Variants in PCDHA3 observed in about 807,000 individuals in gnomAD.
PCDHA3 encodes protocadherin alpha-3.
Under a neutral mutation model 62.2 loss-of-function variants are expected in PCDHA3, and 41 were observed. That is an observed-to-expected ratio of 0.66 (90% CI 0.51 to 0.86). PCDHA3 has a LOEUF of 0.86. Among genes scored for constraint, PCDHA3 ranks in the 40% least tolerant of loss-of-function variants. PCDHA3 has a pLI of 0.00. For missense variants in PCDHA3, 1,304 were observed against 1,241.2 expected, an observed-to-expected ratio of 1.05 and a Z score of -0.76; for synonymous variants, 640 against 555.4, an observed-to-expected ratio of 1.15 and a Z score of -2.14.
At chr5:140,929,258 T>C (rs1288767035) in intron 1 of PCDHA3, 2 of 1,612,832 alleles carry the variant, frequency 1.2e-6, no homozygotes, top group Non-Finnish European at 1.7e-6. Flanking sequence ...GGGGTAGGAC[T>C]GAATTTGCCA....
chr5:140,925,395 G>A (rs1451043717), intron 1 of PCDHA3, among the ~76,000 whole-genome samples: 1 of 151,998 alleles, frequency 6.6e-6, no homozygotes, highest in African/African-American at 2.4e-5. Context: ...CTTTTGGCTC[G>A]CCTCCTTCTT....
chr5:140,801,627 G>T lies in PCDHA3; in HGVS notation c.430G>T (p.Glu144Ter). The change falls in exon 1 of 4, where the codon GAA becomes TAA. Residue 144 changes from glutamate (E) to a stop codon, truncating the protein, a stop_gained. Transcript: ENST00000522353. LOFTEE classifies it high-confidence loss of function. ...GGCTGTAAAGAATCTGTTTATTTCC[G>T]AATCCCGACAGCCTGGCTCTCGGTT... is the stretch of plus-strand genomic sequence containing the variant. Reference protein sequence around the residue: ...PMAVKNLFISESRQPGSRFSL... With the variant: ...PMAVKNLFIS 1.2e-6 allele frequency: 2 copies of T among 1,614,136 alleles called. No individual in the cohort carries two copies. The highest frequency in any genetic ancestry group is 1.7e-6 in the Non-Finnish European group (2 of 1,180,014).
At chr5:140,893,888 G>A (rs1182777052) in intron 1 of PCDHA3, among the ~76,000 whole-genome samples, 1 of 152,128 alleles carries the variant, frequency 6.6e-6, no homozygotes, top group Non-Finnish European at 1.5e-5. Context: ...TGGCCAGAAA[G>A]TTACTTTACC....
chr5:140,897,304 G>A (rs1297881439), intron 1 of PCDHA3, among the ~76,000 whole-genome samples: 1 of 150,768 alleles, frequency 6.6e-6, no homozygotes, highest in Non-Finnish European at 1.5e-5. Flanking sequence ...TTTAGCATTA[G>A]GTATATCTCC....
chr5:140,833,496 A>T (rs1266774652), intron 1 of PCDHA3, among the ~76,000 whole-genome samples: 1 of 152,230 alleles, frequency 6.6e-6, no homozygotes. Context: ...CATATTTGAG[A>T]TTGTAAAAAT....
chr5:140,926,880 G>A lies in PCDHA3; in HGVS notation c.2395-52069G>A. 4 of 1,534,946 alleles carry A rather than the reference G, an allele frequency of 2.6e-6. No homozygotes were observed. The South Asian group carries it at 3.8e-5, about 15-fold the overall frequency. On this transcript the variant is annotated intron_variant, in intron 1 of 3. Transcript: ENST00000522353. ...TGTAGCGTGTTGGTGGAACGTGGAC[G>A]CCTAGAGGGAGGATGGTGGGCTGTG...
intron 1 of PCDHA3, chr5:140,875,557 G>C: frequency 5.6e-6 from 9 of 1,614,064 alleles, no homozygotes; most frequent in Non-Finnish European, 7.6e-6. Flanking sequence ...GGTGGGGAGC[G>C]GCCAGCTCCA....
intron 1 of PCDHA3, chr5:140,929,026 G>A: frequency 1.2e-6 from 2 of 1,614,176 alleles, no homozygotes; most frequent in Non-Finnish European, 1.7e-6. Context: ...CCAGAGCCCA[G>A]GCTGTTGCGC....
intron 1 of PCDHA3, among the ~76,000 whole-genome samples, chr5:140,946,752 A>G (rs1470208958): frequency 9.2e-5 from 14 of 151,470 alleles, no homozygotes; most frequent in African/African-American, 3.4e-4. Context: ...CAAATACTGC[A>G]TGATCTCATT....
intron 1 of PCDHA3, among the ~76,000 whole-genome samples, chr5:140,908,540 G>T (rs1562965244): frequency 6.6e-6 from 1 of 152,150 alleles, no homozygotes; most frequent in African/African-American, 2.4e-5. Flanking sequence ...TTCCACCAAA[G>T]CCCAGTAATA....
intron 1 of PCDHA3, chr5:140,870,835 A>G (rs1304748663): frequency 1.9e-6 from 3 of 1,613,670 alleles, no homozygotes; most frequent in Admixed American, 3.3e-5. Context: ...CGCAGTTAAC[A>G]AGCTAGTACC....
chr5:140,969,348 G>A, intron 1 of PCDHA3: 5 of 1,613,304 alleles, frequency 3.1e-6, no homozygotes, highest in Non-Finnish European at 4.2e-6. Flanking sequence ...CAGTGGTCAG[G>A]GGGTCTTCTA....
intron 1 of PCDHA3, among the ~76,000 whole-genome samples, chr5:140,948,600 A>G (rs1369107358): frequency 6.6e-6 from 1 of 151,576 alleles, no homozygotes; most frequent in African/African-American, 2.4e-5. Flanking sequence ...TCAATTTATC[A>G]TATTTTTGGC....
At chr5:140,882,907 A>T (rs11744560) in intron 1 of PCDHA3, 226,049 of 1,614,134 alleles carry the variant, frequency 0.14, 16,618 homozygotes, top group Middle Eastern at 0.18. Context: ...TATTACTGAC[A>T]GCCAGTGATG....
chr5:140,904,940 A>G (rs368833420), intron 1 of PCDHA3, among the ~76,000 whole-genome samples: 1 of 152,136 alleles, frequency 6.6e-6, no homozygotes, highest in African/African-American at 2.4e-5. Context: ...TCTGGATATT[A>G]GTCCTTTGTC....
chr5:140,865,608 A>G (rs915675853), intron 1 of PCDHA3: 4 of 152,202 alleles, frequency 2.6e-5, no homozygotes, highest in Non-Finnish European at 5.9e-5. Context: ...CAGTTTATTA[A>G]TATATTTGTT....
At chr5:140,842,857 G>C in intron 1 of PCDHA3, 1 of 1,594,002 alleles carries the variant, frequency 6.3e-7, no homozygotes, top group Non-Finnish European at 8.6e-7. Flanking sequence ...CGGTGCACAC[G>C]GAGAGCGGCA....
At chr5:140,869,560 C>T in intron 1 of PCDHA3, 1 of 1,614,158 alleles carries the variant, frequency 6.2e-7, no homozygotes, top group Non-Finnish European at 8.5e-7. Context: ...CTCGCGTTTT[C>T]CACTAGAGGG....
At chr5:140,994,474 G>A (rs545568699) in intron 3 of PCDHA3, among the ~76,000 whole-genome samples, 27 of 152,078 alleles carry the variant, frequency 1.8e-4, no homozygotes, top group Non-Finnish European at 2.9e-4. Flanking sequence ...AGGCTGAGGC[G>A]GGTGGATTGC....
Sources: allele counts gnomAD v4.1 joint callset (sites outside exome capture counted in the v4.1 genomes callset), GRCh38; gene constraint gnomAD v4.1.1; transcripts MANE v1.5; gene names NCBI Gene and HGNC (gene_info 2026-07-23, HGNC 2026-07-21).